TBXT: variants seen among roughly 807,000 people sequenced by gnomAD.
TBXT encodes T-box transcription factor T, also known as T brachyury transcription factor.
TBXT carries 19 observed loss-of-function variants against 41.1 expected under a neutral mutation model. The ratio of observed to expected loss-of-function variants is 0.46; its 90% CI spans 0.32 to 0.68. The LOEUF (loss-of-function observed/expected upper bound fraction) is 0.68, where lower values mean the gene tolerates loss of function less well. TBXT is among the 30% of genes least tolerant of loss of function. TBXT has a pLI of 0.03. For synonymous variants in TBXT, 213 were observed against 238.9 expected (o/e 0.89, Z 1.00); for missense variants, 536 against 582.0 (o/e 0.92, Z 0.81).
In TBXT at chr6:166,164,268, G is replaced by A. The variant is rs1043586275; in HGVS notation, c.730+337C>T. ...TTCAACCATTAATGAAAGCCTCAAA[G>A]AGGAGGTAATGAGCTAGATTCTCCT... On this transcript the variant is annotated intron_variant, in intron 5 of 7. Transcript: ENST00000366876. 5.9e-5 allele frequency among the ~76,000 whole-genome samples: 9 copies of A among 151,856 alleles called. No individual in the cohort carries two copies. The East Asian group carries it at 1.7e-3, about 29-fold the overall frequency.
chr6:166,162,654 C>A (rs1414223730), intron 5 of TBXT, 31 bp from the exon 6 acceptor site: 4 of 1,579,366 alleles, frequency 2.5e-6, no homozygotes, highest in Non-Finnish European at 3.4e-6. Flanking sequence ...GAGTAACCTG[C>A]ATTAGTGCTC....
chr6:166,167,882 A>C, upstream of TBXT: 6 of 502,604 alleles, frequency 1.2e-5, no homozygotes, highest in Non-Finnish European at 1.8e-5. Flanking sequence ...CTCCCCATAA[A>C]TAGAGCCGCG....
Position 166,167,392 on chromosome 6 carries a change from T to C in TBXT, c.200A>G (p.Asn67Ser). Residue 67 changes from asparagine to serine, a missense_variant, in exon 1 of 8, where the codon AAC becomes AGC. By Grantham distance (46) the Asn-to-Ser change is conservative. Coordinates refer to ENST00000366876, the MANE Select transcript of TBXT (RefSeq NM_001366285.2). ...ELTNEMIVTK[N>S]GRRMFPVLKV... ...GCTCCGGACGCGCACCCACCTGCCG[T>C]TCTTGGTCACGATCATCTCATTGGT... is the stretch of plus-strand genomic sequence containing the variant. The C allele has an allele frequency of 6.2e-7, 1 of 1,612,910 alleles. No homozygotes were observed. The highest frequency in any genetic ancestry group is 8.5e-7 in the Non-Finnish European group (1 of 1,179,900).
At chr6:166,161,608 C>T (rs568125934) in intron 6 of TBXT, among the ~76,000 whole-genome samples, 2 of 152,286 alleles carry the variant, frequency 1.3e-5, no homozygotes, top group Admixed American at 6.5e-5. Context: ...GAGCATGCAT[C>T]GGAATGGCCT....
At position 166,167,543 on chromosome 6, in the gene TBXT, C is replaced by G; in HGVS notation, c.49G>C (p.Val17Leu). The G allele has an allele frequency of 1.9e-6, 3 of 1,595,554 alleles. No homozygotes were observed. The East Asian group carries it at 6.8e-5, about 36-fold the overall frequency. The change falls in exon 1 of 8, where the codon GTG becomes CTG. Residue 17 changes from valine to leucine, a missense_variant. Transcript: ENST00000366876. ...TCCACGGCGCTCAGCAGGTGGTCCA[C>G]TCGGTACTGCAGGCTCTTTCCCGCG... ...ESAGKSLQYRVDHLLSAVENE... is the reference protein window; with the variant it reads ...ESAGKSLQYRLDHLLSAVENE...
At chr6:166,162,671 T>G (rs1438766484) in intron 5 of TBXT, 48 bp from the exon 6 acceptor site, 1 of 1,530,570 alleles carries the variant, frequency 6.5e-7, no homozygotes, top group African/African-American at 1.4e-5. Flanking sequence ...GCTCCCTCCA[T>G]CTCTCCAGAG....
In TBXT at chr6:166,167,690, G is replaced by C; in HGVS notation, c.-99C>G. On this transcript the variant is annotated 5_prime_UTR_variant, in exon 1 of 8. Coordinates refer to ENST00000366876, the MANE Select transcript of TBXT (RefSeq NM_001366285.2). ...TGGCCGCCGCCCTTCCGAGAAAAGGGGCCCCTTGGACCGAGACCTGCGACG... is the reference window on the plus strand; with the variant it reads ...TGGCCGCCGCCCTTCCGAGAAAAGGCGCCCCTTGGACCGAGACCTGCGACG... The C allele has an allele frequency of 6.7e-7, 1 of 1,497,096 alleles. No homozygotes were observed. The highest frequency in any genetic ancestry group is 9.0e-7 in the Non-Finnish European group (1 of 1,114,274). The allele number at this position is 1,497,096 out of a possible 1,614,324, so 92.7% of individuals were successfully genotyped here.
intron 6 of TBXT, among the ~76,000 whole-genome samples, chr6:166,161,962 T>G (rs924236255): frequency 5.3e-5 from 8 of 152,162 alleles, no homozygotes; most frequent in African/African-American, 1.7e-4. Flanking sequence ...CAAGAGCTGC[T>G]GCCTGTCAGT....
intron 2 of TBXT, 104 bp downstream of exon 2, chr6:166,166,488 T>A: frequency 6.4e-7 from 1 of 1,567,178 alleles, no homozygotes; most frequent in Non-Finnish European, 8.7e-7. Context: ...AGGGCAGACG[T>A]CGCCTCCCGT....
chr6:166,166,710 T>C lies in TBXT; in HGVS notation c.353A>G (p.Gln118Arg). 6.2e-7 allele frequency: 1 copy of C among 1,613,790 alleles called. No individual in the cohort carries two copies. Among genetic ancestry groups the C allele is most frequent in the Non-Finnish European group, 8.5e-7 (1 of 1,180,036 alleles). Residue 118 changes from glutamine to arginine, a missense_variant, in exon 2 of 8, where the codon CAG becomes CGG. By Grantham distance (43) the Gln-to-Arg change is conservative. Transcript: ENST00000366876. ...GTGGATGTAGACGCAGCTGGGCGCC[T>C]GCGGCTCCGGCTTGCCCCCCGGCAC... is the stretch of plus-strand genomic sequence containing the variant. ...EWVPGGKPEP[Q>R]APSCVYIHPD...
At chr6:166,164,470 C>T (rs536696780) in intron 5 of TBXT, 135 bp downstream of exon 5, 16 of 1,037,304 alleles carry the variant, frequency 1.5e-5, no homozygotes, top group South Asian at 6.3e-5. Context: ...CCAAGAGCCT[C>T]GCATGGCAAA....
chr6:166,167,259 G>C (rs1779147291), intron 1 of TBXT, 127 bp downstream of exon 1: 1 of 1,090,948 alleles, frequency 9.2e-7, no homozygotes, highest in African/African-American at 1.6e-5. Context: ...GAGTTAACCA[G>C]AGCGGGAACA....
Position 166,158,465 on chromosome 6 carries a change from G to A in TBXT, c.1161C>T (p.Leu387=), listed in dbSNP as rs543190873. ...AAGAGGGCGCCGAGACCGGATGGGTGAGGGGTGTGTAGTGCGCGGGGGAGC... is the reference window on the plus strand; with the variant it reads ...AAGAGGGCGCCGAGACCGGATGGGTAAGGGGTGTGTAGTGCGCGGGGGAGC... The part of the protein sequence containing the change: ...FRGSPAHYTP[L]THPVSAPSSS... Residue 387 remains leucine (L), a synonymous_variant, in exon 8 of 8, where the codon CTC becomes CTT. Coordinates refer to ENST00000366876, the MANE Select transcript of TBXT (RefSeq NM_001366285.2). 1.2e-6 allele frequency: 2 copies of A among 1,614,070 alleles called. No homozygotes were observed. Among genetic ancestry groups the A allele is most frequent in the East Asian group, 2.2e-5 (1 of 44,868 alleles).
At chr6:166,166,496 C>T in intron 2 of TBXT, 96 bp downstream of exon 2, 1 of 1,588,602 alleles carries the variant, frequency 6.3e-7, no homozygotes, top group Non-Finnish European at 8.6e-7. Flanking sequence ...CGTCGCCTCC[C>T]GTTCAAGCAG....
At chr6:166,163,982 A>C (rs1484194825) in intron 5 of TBXT, among the ~76,000 whole-genome samples, 1 of 152,236 alleles carries the variant, frequency 6.6e-6, no homozygotes, top group Non-Finnish European at 1.5e-5. Flanking sequence ...TTGACCAGCC[A>C]GTGCTACCGC....
Position 166,158,271 on chromosome 6 carries a change from C to T in TBXT, c.*44G>A, listed in dbSNP as rs200998218. ...TCAATCCAGTCACCACTGGCTGCCACGACAAAAAGTCACTGCATCTTTCGG... is the reference window on the plus strand; with the variant it reads ...TCAATCCAGTCACCACTGGCTGCCATGACAAAAAGTCACTGCATCTTTCGG... On this transcript the variant is annotated 3_prime_UTR_variant, in exon 8 of 8. Transcript: ENST00000366876. The T allele has an allele frequency of 3.3e-5, 53 of 1,614,186 alleles. No individual in the cohort carries two copies. In the African/African-American group the frequency reaches 4.3e-4, roughly 13 times the overall value.
At chr6:166,161,333 A>G (rs977206281) in intron 6 of TBXT, among the ~76,000 whole-genome samples, 5 of 152,230 alleles carry the variant, frequency 3.3e-5, no homozygotes, top group African/African-American at 1.2e-4. Flanking sequence ...AGAATGGGCG[A>G]TAGAAACCAT....
At chr6:166,162,757 A>G in intron 5 of TBXT, 134 bp from the exon 6 acceptor site, 1 of 528,946 alleles carries the variant, frequency 1.9e-6, no homozygotes, top group African/African-American at 2.1e-5. Context: ...TCCCTCCATC[A>G]CTCCAGAGAG....
Position 166,162,439 on chromosome 6 carries a change from G to A in TBXT, c.907+8C>T. The A allele has an allele frequency of 6.2e-7, 1 of 1,614,144 alleles. No individual in the cohort carries two copies. The highest frequency in any genetic ancestry group is 8.5e-7 in the Non-Finnish European group (1 of 1,180,028). On this transcript the variant is annotated splice_region_variant and intron_variant, in intron 6 of 7. Coordinates refer to ENST00000366876, the MANE Select transcript of TBXT (RefSeq NM_001366285.2). ...CCAACCCCTGGCAGAATGAGGCTGA[G>A]GACTCACTTGGAGAATTGTTCCGAT...
Sources: allele counts gnomAD v4.1 joint callset (sites outside exome capture counted in the v4.1 genomes callset), GRCh38; gene constraint gnomAD v4.1.1; transcripts MANE v1.5; gene names NCBI Gene and HGNC (gene_info 2026-07-23, HGNC 2026-07-21).